Variants in VPS35L observed in about 807,000 individuals in gnomAD.
VPS35L encodes the protein VPS35 endosomal protein sorting factor like.
A neutral mutation model predicts 133.0 loss-of-function variants in VPS35L; 83 were observed. The observed-to-expected ratio is 0.62, with a 90% CI of 0.52 to 0.75. The LOEUF is 0.75. VPS35L is among the 30% of genes least tolerant of loss of function. The pLI, the probability that VPS35L is intolerant of heterozygous loss-of-function variation, is 0.00. For missense variants in VPS35L, 1,083 were observed against 1,206.8 expected (o/e 0.90, Z 1.52); for synonymous variants, 423 against 449.9 (o/e 0.94, Z 0.76).
At chr16:19,586,310 A>ACTAT (rs1555497960) in intron 7 of VPS35L, among the ~76,000 whole-genome samples, 1 of 151,720 alleles carries the variant, frequency 6.6e-6, no homozygotes, top group African/African-American at 2.4e-5. Flanking sequence ...GAAGTGTGGA[A>ACTAT]GTATGTATGT....
chr16:19,603,089 G>T (rs1367738404), intron 9 of VPS35L, among the ~76,000 whole-genome samples: 1 of 152,000 alleles, frequency 6.6e-6, no homozygotes. Context: ...TATTTAATGT[G>T]CACATTTGTC....
intron 26 of VPS35L, chr16:19,652,354 G>C: frequency 3.2e-6 from 1 of 309,208 alleles, no homozygotes; most frequent in Non-Finnish European, 6.1e-6. Flanking sequence ...ATTTTTTATA[G>C]AGATGGAGTT....
intron 28 of VPS35L, among the ~76,000 whole-genome samples, chr16:19,689,437 A>AT (rs1343495486): frequency 4.6e-5 from 7 of 151,798 alleles, no homozygotes; most frequent in South Asian, 4.2e-4. Flanking sequence ...TGCCCAGCTG[A>AT]TTTTTTGTAT....
At chr16:19,686,206 GTTCAC>G (rs1203629756) in intron 28 of VPS35L, among the ~76,000 whole-genome samples, 1 of 152,146 alleles carries the variant, frequency 6.6e-6, no homozygotes, top group Non-Finnish European at 1.5e-5. Context: ...CTTTTTCCCT[GTTCAC>G]TTCCTCATTC....
chr16:19,612,130 G>C (rs2061201640), intron 12 of VPS35L, among the ~76,000 whole-genome samples: 1 of 151,890 alleles, frequency 6.6e-6, no homozygotes, highest in East Asian at 1.9e-4. Flanking sequence ...GTAGAGACGG[G>C]GTTTCACCAT....
chr16:19,620,491 C>T (rs1973042665), intron 14 of VPS35L, among the ~76,000 whole-genome samples: 1 of 151,962 alleles, frequency 6.6e-6, no homozygotes, highest in Non-Finnish European at 1.5e-5. Context: ...CTGTTTTTTT[C>T]AATTACTGAC....
intron 11 of VPS35L, 49 bp downstream of exon 11, chr16:19,609,070 C>T: frequency 6.7e-7 from 1 of 1,499,422 alleles, no homozygotes; most frequent in Non-Finnish European, 9.3e-7. Flanking sequence ...TAAAAATCTC[C>T]CATGTGTACA....
chr16:19,643,935 G>A (rs1208512382), intron 22 of VPS35L, among the ~76,000 whole-genome samples: 1 of 152,040 alleles, frequency 6.6e-6, no homozygotes, highest in Non-Finnish European at 1.5e-5. Flanking sequence ...TCCAGCCTGG[G>A]CAACAAGAGC....
At chr16:19,582,558 G>C (rs1461899520) in intron 7 of VPS35L, among the ~76,000 whole-genome samples, 1 of 152,138 alleles carries the variant, frequency 6.6e-6, no homozygotes, top group Non-Finnish European at 1.5e-5. Flanking sequence ...TTCAATCACT[G>C]TTGTTAGTTT....
chr16:19,593,795 T>TGC (rs1972115810), intron 8 of VPS35L, among the ~76,000 whole-genome samples: 1 of 152,100 alleles, frequency 6.6e-6, no homozygotes, highest in African/African-American at 2.4e-5. Context: ...TGCACACCTG[T>TGC]AGTCCCAGCT....
At position 19,644,866 on chromosome 16, in the gene VPS35L, TG is replaced by T; in HGVS notation, c.1866-19del. The T allele has an allele frequency of 6.5e-7, 1 of 1,548,822 alleles. No individual in the cohort carries two copies. The highest frequency in any genetic ancestry group is 8.9e-7 in the Non-Finnish European group (1 of 1,127,066). On this transcript the variant is annotated intron_variant, in intron 22 of 30. Transcript: ENST00000417362. ...TCATCTATTACCTCCGTGTTAATTA[TG>T]TACAATTATTGATTTTAGTGCACTC...
chr16:19,590,044 C>T (rs1048669832), intron 7 of VPS35L, among the ~76,000 whole-genome samples: 4 of 151,084 alleles, frequency 2.6e-5, no homozygotes, highest in African/African-American at 7.3e-5. Context: ...ATATGAAAAT[C>T]GCAGAGCGAG....
chr16:19,666,678 G>A (rs1234885424), intron 26 of VPS35L, among the ~76,000 whole-genome samples: 1 of 152,074 alleles, frequency 6.6e-6, no homozygotes, highest in Non-Finnish European at 1.5e-5. Context: ...CACATTCTCT[G>A]GGCCAGTCAG....
chr16:19,680,293 A>G (rs1010831180), intron 27 of VPS35L, among the ~76,000 whole-genome samples: 1 of 152,204 alleles, frequency 6.6e-6, no homozygotes, highest in African/African-American at 2.4e-5. Context: ...CATAGAAGGT[A>G]CCCAAAAACT....
chr16:19,675,337 A>G (rs1975029021), intron 27 of VPS35L, among the ~76,000 whole-genome samples: 1 of 150,348 alleles, frequency 6.7e-6, no homozygotes, highest in Non-Finnish European at 1.5e-5. Context: ...GAGCCACTGC[A>G]CCCAGCTACC....
intron 14 of VPS35L, chr16:19,618,110 CTG>C (rs776958363): frequency 2.9e-5 from 4 of 140,146 alleles, no homozygotes; most frequent in Non-Finnish European, 6.1e-5. Context: ...AAAAAAAAGA[CTG>C]TGATAGATGA....
At chr16:19,614,816 C>G (rs541170376) in intron 12 of VPS35L, among the ~76,000 whole-genome samples, 1 of 152,342 alleles carries the variant, frequency 6.6e-6, no homozygotes, top group South Asian at 2.1e-4. Flanking sequence ...TATGAACTCC[C>G]CTCCGTAGCT....
chr16:19,659,248 G>T (rs1043543664), intron 26 of VPS35L, among the ~76,000 whole-genome samples: 1 of 152,180 alleles, frequency 6.6e-6, no homozygotes, highest in African/African-American at 2.4e-5. Flanking sequence ...TGAGAGAAAG[G>T]TATGTCATCC....
At chr16:19,616,353 T>C in intron 13 of VPS35L, among the ~76,000 whole-genome samples, 162 bp downstream of exon 13, 1 of 152,134 alleles carries the variant, frequency 6.6e-6, no homozygotes, top group East Asian at 1.9e-4. Flanking sequence ...TAAAATGTGT[T>C]GATTGTACTG....
Sources: gnomAD v4.1 joint callset for allele counts (sites outside exome capture counted in the v4.1 genomes callset) on GRCh38, gnomAD v4.1.1 for gene constraint, MANE v1.5 for transcripts, NCBI Gene and HGNC (gene_info 2026-07-23, HGNC 2026-07-21) for gene names.